USP54: variants seen among roughly 807,000 people sequenced by gnomAD.
USP54 encodes ubiquitin carboxyl-terminal hydrolase 54.
Under a neutral mutation model 170.5 loss-of-function variants are expected in USP54, and 87 were observed. The observed-to-expected ratio is 0.51, with a 90% CI of 0.43 to 0.61. USP54 has a LOEUF of 0.61. Among genes scored for constraint, USP54 ranks in the 20% least tolerant of loss-of-function variants. The pLI, the probability that USP54 is intolerant of heterozygous loss-of-function variation, is 0.00. For missense variants in USP54, 1,786 were observed against 2,047.8 expected, an observed-to-expected ratio of 0.87 and a Z score of 2.47; for synonymous variants, 655 against 742.8, an observed-to-expected ratio of 0.88 and a Z score of 1.92.
intron 20 of USP54, among the ~76,000 whole-genome samples, chr10:73,509,885 C>T (rs2059923521): frequency 6.6e-6 from 1 of 152,128 alleles, no homozygotes; most frequent in South Asian, 2.1e-4. Flanking sequence ...TGGTGTGTGC[C>T]TGTGGTCCCA....
intron 4 of USP54, among the ~76,000 whole-genome samples, chr10:73,558,871 A>G (rs922801183): frequency 6.6e-6 from 1 of 152,178 alleles, no homozygotes; most frequent in Non-Finnish European, 1.5e-5. Context: ...TACTTGATCA[A>G]TATTAATACA....
intron 3 of USP54, among the ~76,000 whole-genome samples, chr10:73,572,575 A>G (rs1481521510): frequency 1.3e-5 from 2 of 152,226 alleles, no homozygotes; most frequent in African/African-American, 4.8e-5. Flanking sequence ...GAAACTGGCT[A>G]TGCTCCCAAG....
At chr10:73,527,103 A>G (rs1564699499) in intron 15 of USP54, among the ~76,000 whole-genome samples, 1 of 152,212 alleles carries the variant, frequency 6.6e-6, no homozygotes, top group South Asian at 2.1e-4. Context: ...GTAAAACTCA[A>G]CAGGATCCTG....
intron 11 of USP54, 134 bp from the exon 12 acceptor site, chr10:73,534,904 T>C (rs2064911666): frequency 1.3e-6 from 1 of 753,718 alleles, no homozygotes; most frequent in Non-Finnish European, 2.1e-6. Context: ...GGATATGCTA[T>C]ACCATCAAGC....
At chr10:73,522,463 A>T (rs1205655564) in intron 17 of USP54, among the ~76,000 whole-genome samples, 1 of 152,190 alleles carries the variant, frequency 6.6e-6, no homozygotes, top group Non-Finnish European at 1.5e-5. Flanking sequence ...TGTATAGAGA[A>T]CTGACAATGA....
chr10:73,520,804 G>A (rs1291719758), intron 18 of USP54, 104 bp downstream of exon 18: 2 of 1,516,344 alleles, frequency 1.3e-6, no homozygotes, highest in Admixed American at 3.5e-5. Flanking sequence ...GCAAGAGTGA[G>A]GAGACACAAA....
chr10:73,541,768 T>A (rs752087035), intron 7 of USP54, 30 bp from the exon 8 acceptor site: 31 of 1,602,048 alleles, frequency 1.9e-5, no homozygotes, highest in Non-Finnish European at 2.6e-5. Flanking sequence ...AGGGGGATGA[T>A]GGTTTGTATT....
chr10:73,558,800 T>A (rs1244358690), intron 4 of USP54, among the ~76,000 whole-genome samples: 1 of 152,208 alleles, frequency 6.6e-6, no homozygotes, highest in Non-Finnish European at 1.5e-5. Flanking sequence ...TGTGTATAAC[T>A]TTTGACACCC....
chr10:73,601,191 G>T (rs2079138654), intron 1 of USP54, among the ~76,000 whole-genome samples: 1 of 152,164 alleles, frequency 6.6e-6, no homozygotes, highest in Admixed American at 6.6e-5. Context: ...GTCTTCTAAT[G>T]TGGGGTAAGT....
rs1564684413 is a variant in USP54 at position 73,523,586 on chromosome 10, G to A, written c.2359C>T (p.Gln787Ter). The change falls in exon 17 of 24, where the codon CAG (glutamine) becomes TAG (stop). Residue 787 changes from glutamine to a stop codon, truncating the protein, a stop_gained. Coordinates refer to ENST00000687698, the MANE Select transcript of USP54 (RefSeq NM_001391956.1). LOFTEE classifies it high-confidence loss of function. Reference sequence around the variant, plus strand: ...ACCTAATGCTCACAACAATTACCCTGATTCTGCAGTTCATCCAAGTCCATG... The same window carrying A: ...ACCTAATGCTCACAACAATTACCCTAATTCTGCAGTTCATCCAAGTCCATG... ...RFMDLDELQN[Q>*]GRSDGFERSL... The A allele has an allele frequency of 6.3e-7, 1 of 1,595,132 alleles. No individual in the cohort carries two copies. Among genetic ancestry groups the A allele is most frequent in the Non-Finnish European group, 8.6e-7 (1 of 1,167,238 alleles).
At chr10:73,545,965 T>G (rs1590229856) in intron 4 of USP54, among the ~76,000 whole-genome samples, 1 of 152,290 alleles carries the variant, frequency 6.6e-6, no homozygotes, top group South Asian at 2.1e-4. Context: ...TTCCTCTTCC[T>G]CTAATACAGA....
chr10:73,558,454 TATTATAGTATAC>T (rs1294966684), intron 4 of USP54, among the ~76,000 whole-genome samples: 10 of 152,182 alleles, frequency 6.6e-5, no homozygotes, highest in African/African-American at 2.2e-4. Context: ...CATGGGATTG[TATTATAGTATAC>T]ATTATAGTAT....
At chr10:73,547,320 G>C (rs183202023) in intron 4 of USP54, among the ~76,000 whole-genome samples, 1 of 152,214 alleles carries the variant, frequency 6.6e-6, no homozygotes, top group African/African-American at 2.4e-5. Flanking sequence ...AGAATCACTT[G>C]AACCCGGGAG....
chr10:73,557,510 G>A (rs1293117042), intron 4 of USP54, among the ~76,000 whole-genome samples: 1 of 142,790 alleles, frequency 7.0e-6, no homozygotes, highest in African/African-American at 2.6e-5. Context: ...TTTTTGAGAC[G>A]GAGTCTCACT....
intron 4 of USP54, among the ~76,000 whole-genome samples, chr10:73,550,215 C>G (rs549256688): frequency 6.6e-6 from 1 of 152,192 alleles, no homozygotes; most frequent in Non-Finnish European, 1.5e-5. Context: ...TGGGCCACCA[C>G]GCCCAGCCAT....
intron 4 of USP54, among the ~76,000 whole-genome samples, chr10:73,549,140 G>A (rs1431970561): frequency 6.6e-6 from 1 of 152,044 alleles, no homozygotes; most frequent in Non-Finnish European, 1.5e-5. Flanking sequence ...GTGGTCAATG[G>A]TCACTCCTTA....
intron 1 of USP54, among the ~76,000 whole-genome samples, chr10:73,581,268 CA>C (rs1271260080): frequency 2.6e-5 from 4 of 152,160 alleles, no homozygotes; most frequent in Non-Finnish European, 5.9e-5. Flanking sequence ...AAGTAAAAGC[CA>C]AAATTGGGAT....
intron 1 of USP54, among the ~76,000 whole-genome samples, chr10:73,597,070 A>G (rs997087555): frequency 1.3e-5 from 2 of 152,222 alleles, no homozygotes; most frequent in Admixed American, 6.5e-5. Context: ...TGCAAAAATT[A>G]TAACTGAGAA....
intron 22 of USP54, chr10:73,504,619 C>T: frequency 1.7e-6 from 1 of 578,888 alleles, no homozygotes; most frequent in Non-Finnish European, 3.0e-6. Flanking sequence ...CCCCAGGAAA[C>T]CCTACAACAC....
Sources: allele counts gnomAD v4.1 joint callset (sites outside exome capture counted in the v4.1 genomes callset), GRCh38; gene constraint gnomAD v4.1.1; transcripts MANE v1.5; gene names NCBI Gene and HGNC (gene_info 2026-07-23, HGNC 2026-07-21).